The following FANCB variants were observed in gnomAD, a reference collection of about 807,000 sequenced individuals.
The protein encoded by FANCB is Fanconi anemia group B protein.
A neutral mutation model predicts 38.9 loss-of-function variants in FANCB; 5 were observed. The ratio of observed to expected loss-of-function variants is 0.13; its 90% confidence interval spans 0.07 to 0.27. The LOEUF (loss-of-function observed/expected upper bound fraction) is 0.27. Ranked by LOEUF, FANCB falls within the 10% of genes least tolerant of loss-of-function variation. The pLI, the probability that FANCB is intolerant of heterozygous loss-of-function variation, is 1.00. For synonymous variants in FANCB, 236 were observed against 215.4 expected, an observed-to-expected ratio of 1.10 and a Z score of -0.84; for missense variants, 573 against 602.7, an observed-to-expected ratio of 0.95 and a Z score of 0.52.
At chrX:14,795,317 C>A in the FANCB span, among the ~76,000 whole-genome samples, 1 of 112,284 alleles carries the variant, frequency 8.9e-6, no homozygotes, top group African/African-American at 3.2e-5. Context: ...GAAATGTTTT[C>A]AAAATTAATG....
chrX:14,737,655 A>T, the FANCB span, among the ~76,000 whole-genome samples: 1 of 112,360 alleles, frequency 8.9e-6, no homozygotes, highest in Non-Finnish European at 1.9e-5. Flanking sequence ...ATGGTGTCTA[A>T]CACATATTAA....
chrX:14,703,950 C>T, the FANCB span, among the ~76,000 whole-genome samples: 9 of 111,972 alleles, frequency 8.0e-5, no homozygotes, highest in South Asian at 3.0e-3. Flanking sequence ...AAACCTCTTG[C>T]ATGCAATCCC....
At chrX:14,782,688 G>C in the FANCB span, among the ~76,000 whole-genome samples, 1 of 112,051 alleles carries the variant, frequency 8.9e-6, no homozygotes, top group African/African-American at 3.2e-5. Flanking sequence ...AAGCCACAGG[G>C]AAGAAGGCAG....
chrX:14,843,579 C>T lies in FANCB; in HGVS notation c.2568G>A (p.Leu856=). 2.6e-6 allele frequency: 3 copies of T among 1,167,451 alleles called. No homozygotes were observed. Among genetic ancestry groups the T allele is most frequent in the Non-Finnish European group, 3.5e-6 (3 of 860,593 alleles). Residue 856 remains leucine, a synonymous_variant, in exon 10 of 10, where the codon CTG becomes CTA. Transcript: ENST00000650831. The part of the protein sequence containing the change: ...QLKSDFAAQK[L]SNL Reference sequence around the variant, plus strand: ...ATTGAAATTATAATTATAAATTACTCAGTTTCTGTGCAGCAAAGTCTGATT... The same window carrying T: ...ATTGAAATTATAATTATAAATTACTTAGTTTCTGTGCAGCAAAGTCTGATT...
At chrX:14,839,300 A>C (rs923642456), downstream of FANCB, among the ~76,000 whole-genome samples, 5 of 110,160 alleles carry the variant, frequency 4.5e-5, no homozygotes, top group Non-Finnish European at 9.5e-5. Context: ...TCAAAAACAA[A>C]AACAACAACA....
the FANCB span, among the ~76,000 whole-genome samples, chrX:14,803,718 G>C: frequency 9.0e-6 from 1 of 111,132 alleles, no homozygotes; most frequent in African/African-American, 3.3e-5. Flanking sequence ...TTCTTTTTCT[G>C]GTTGGGGGAG....
the FANCB span, among the ~76,000 whole-genome samples, chrX:14,715,226 C>T: frequency 7.1e-5 from 8 of 112,100 alleles, no homozygotes; most frequent in African/African-American, 2.6e-4. Context: ...AAAAAATGGA[C>T]GGTGTTTCAA....
chrX:14,729,506 T>C, the FANCB span, among the ~76,000 whole-genome samples: 1 of 111,839 alleles, frequency 8.9e-6, no homozygotes, highest in Non-Finnish European at 1.9e-5. Flanking sequence ...ATCATACAAA[T>C]ATCACTGACA....
the FANCB span, among the ~76,000 whole-genome samples, chrX:14,793,506 G>A: frequency 7.0e-4 from 78 of 112,154 alleles, no homozygotes; most frequent in African/African-American, 2.4e-3. Context: ...TACTCTAAAT[G>A]GGTGAATTGT....
the FANCB span, among the ~76,000 whole-genome samples, chrX:14,703,173 G>C: frequency 8.9e-6 from 1 of 111,860 alleles, no homozygotes; most frequent in Non-Finnish European, 1.9e-5. Flanking sequence ...GTGCCAGCAA[G>C]CTTTGGAGAT....
At chrX:14,799,501 G>A in the FANCB span, among the ~76,000 whole-genome samples, 1 of 112,075 alleles carries the variant, frequency 8.9e-6, no homozygotes, top group Non-Finnish European at 1.9e-5. Context: ...ATTGGGAAGT[G>A]AGGTGCTGCT....
Position 14,844,531 on chromosome X carries a change from A to C in FANCB, c.2137T>G (p.Phe713Val). Residue 713 changes from phenylalanine to valine, a missense_variant, in exon 9 of 10, where the codon TTC (phenylalanine) becomes GTC (valine). Phe to Val is a conservative substitution (Grantham distance 50). Coordinates refer to ENST00000650831, the MANE Select transcript of FANCB (RefSeq NM_001018113.3). ...GAATAGATTATTAAAATCCCTTCGA[A>C]TGGTGTTCTCTGTTTCCAAGTGAAG... ...TLFTWKQRTP[F>V]EGILIIYSRN... The C allele has an allele frequency of 8.3e-7, 1 of 1,201,784 alleles. No individual in the cohort carries two copies. The highest frequency in any genetic ancestry group is 1.8e-5 in the South Asian group (1 of 56,797).
At chrX:14,817,529 T>C in the FANCB span, among the ~76,000 whole-genome samples, 1 of 111,254 alleles carries the variant, frequency 9.0e-6, no homozygotes, top group Non-Finnish European at 1.9e-5. Flanking sequence ...AGGTCTGACA[T>C]TAAAAGAGTA....
the FANCB span, among the ~76,000 whole-genome samples, chrX:14,808,199 C>T: frequency 4.5e-5 from 5 of 111,942 alleles, no homozygotes; most frequent in Non-Finnish European, 9.4e-5. Flanking sequence ...GGGAATACTT[C>T]CAAACTCTTT....
At chrX:14,736,249 T>G in the FANCB span, among the ~76,000 whole-genome samples, 1 of 110,162 alleles carries the variant, frequency 9.1e-6, no homozygotes, top group Non-Finnish European at 1.9e-5. Context: ...TGAACTATTC[T>G]GTCTTGCTGG....
In FANCB at chrX:14,865,535, G is replaced by T; in HGVS notation, c.-25C>A. ...TTCCACAATATCAAGTCTTTGTGCTGATCTAATTTTCAAATGCAAATTGAT... is the reference window on the plus strand; with the variant it reads ...TTCCACAATATCAAGTCTTTGTGCTTATCTAATTTTCAAATGCAAATTGAT... On this transcript the variant is annotated 5_prime_UTR_variant, in exon 3 of 10. Transcript: ENST00000650831. 1 of 1,096,950 alleles carries T rather than the reference G, an allele frequency of 9.1e-7. No homozygotes were observed. Among genetic ancestry groups the T allele is most frequent in the Non-Finnish European group, 1.3e-6 (1 of 799,308 alleles). 90.4% of individuals were successfully genotyped at this position (1,096,950 alleles called of 1,213,427 possible).
chrX:14,872,577 G>A (rs1196153806), intron 1 of FANCB, among the ~76,000 whole-genome samples: 1 of 105,777 alleles, frequency 9.5e-6, no homozygotes, highest in Admixed American at 1.0e-4. Context: ...CCGGCCCCTA[G>A]CAGTGGTGAC....
the FANCB span, among the ~76,000 whole-genome samples, chrX:14,793,586 A>G: frequency 8.9e-6 from 1 of 112,265 alleles, no homozygotes; most frequent in Non-Finnish European, 1.9e-5. Flanking sequence ...TCCAATAGCA[A>G]TATTTTCTGT....
chrX:14,741,861 A>T, the FANCB span, among the ~76,000 whole-genome samples: 1 of 111,737 alleles, frequency 8.9e-6, no homozygotes, highest in Non-Finnish European at 1.9e-5. Flanking sequence ...AGATTTTTTT[A>T]AAAACGGGCT....
Sources: gnomAD v4.1 joint callset for allele counts (sites outside exome capture counted in the v4.1 genomes callset) on GRCh38, gnomAD v4.1.1 for gene constraint, MANE v1.5 for transcripts, NCBI Gene and HGNC (gene_info 2026-07-23, HGNC 2026-07-21) for gene names.